The following AFG2A variants were observed in gnomAD, a reference collection of about 807,000 sequenced individuals.
AFG2A encodes the protein AAA ATPase AFG2A, also known as ATPase family gene 2 protein homolog A.
the AFG2A span, among the ~76,000 whole-genome samples, chr4:123,097,509 A>G: frequency 1.3e-5 from 2 of 152,252 alleles, no homozygotes; most frequent in Admixed American, 1.3e-4. Flanking sequence ...GGTGAGCCAT[A>G]TTAAGATTAA....
the AFG2A span, among the ~76,000 whole-genome samples, chr4:123,169,467 TTCTG>T: frequency 6.6e-6 from 1 of 152,126 alleles, no homozygotes; most frequent in Non-Finnish European, 1.5e-5. Context: ...ATGCGCATTG[TTCTG>T]TCTGATTATT....
At chr4:123,032,902 T>C in the AFG2A span, among the ~76,000 whole-genome samples, 1 of 152,202 alleles carries the variant, frequency 6.6e-6, no homozygotes, top group Non-Finnish European at 1.5e-5. Context: ...ATTCTGAGCA[T>C]GTTTAAGGTG....
chr4:122,951,433 T>TACACACACACACACACACAC, the AFG2A span, among the ~76,000 whole-genome samples: 10 of 148,508 alleles, frequency 6.7e-5, no homozygotes, highest in African/African-American at 2.5e-4. Context: ...TTTTCCAAAG[T>TACACACACACACACACACAC]ACACACACAC....
chr4:123,007,598 GTGTGTGTGTGTATATA>G, the AFG2A span, among the ~76,000 whole-genome samples: 1 of 8,638 alleles, frequency 1.2e-4, no homozygotes, highest in African/African-American at 4.6e-4. Flanking sequence ...GTGTGTGTGT[GTGTGTGTGTGTATATA>G]TATATATATA....
the AFG2A span, chr4:122,933,974 T>C: frequency 1.7e-6 from 2 of 1,149,798 alleles, no homozygotes; most frequent in Non-Finnish European, 1.2e-6. Flanking sequence ...ATGACAATTA[T>C]TTTATTAATA....
At chr4:123,099,457 A>T in the AFG2A span, among the ~76,000 whole-genome samples, 10 of 151,272 alleles carry the variant, frequency 6.6e-5, no homozygotes, top group Admixed American at 1.3e-4. Flanking sequence ...TTTTCCCTAT[A>T]ACTTCTTTCA....
the AFG2A span, among the ~76,000 whole-genome samples, chr4:122,950,413 C>T: frequency 6.6e-6 from 1 of 150,952 alleles, no homozygotes; most frequent in Non-Finnish European, 1.5e-5. Flanking sequence ...GATCTCGGCT[C>T]ACTGCAACCT....
At chr4:122,957,183 T>A in the AFG2A span, among the ~76,000 whole-genome samples, 1 of 152,214 alleles carries the variant, frequency 6.6e-6, no homozygotes, top group Non-Finnish European at 1.5e-5. Flanking sequence ...GAAAAAGCCC[T>A]AAGCCTCTTC....
the AFG2A span, among the ~76,000 whole-genome samples, chr4:122,965,626 TTG>T: frequency 6.6e-6 from 1 of 152,208 alleles, no homozygotes; most frequent in African/African-American, 2.4e-5. Context: ...TATTTCAAAA[TTG>T]TGTTTCTTAA....
At chr4:122,962,661 G>A in the AFG2A span, among the ~76,000 whole-genome samples, 2 of 152,238 alleles carry the variant, frequency 1.3e-5, no homozygotes, top group African/African-American at 4.8e-5. Context: ...TTGAGGAAAG[G>A]TTTTCTTTCT....
chr4:122,976,215 T>C, the AFG2A span, among the ~76,000 whole-genome samples: 1 of 152,192 alleles, frequency 6.6e-6, no homozygotes, highest in Non-Finnish European at 1.5e-5. Flanking sequence ...GAGATTAAAC[T>C]CCTTCAAAGT....
At chr4:123,068,458 G>T in the AFG2A span, among the ~76,000 whole-genome samples, 1 of 152,116 alleles carries the variant, frequency 6.6e-6, no homozygotes, top group Non-Finnish European at 1.5e-5. Context: ...GAGTTTCACT[G>T]CCTTTTATTT....
At chr4:123,287,526 A>T in the AFG2A span, among the ~76,000 whole-genome samples, 2 of 152,254 alleles carry the variant, frequency 1.3e-5, no homozygotes, top group Non-Finnish European at 2.9e-5. Flanking sequence ...CCAACTTGTT[A>T]AGACTAAAGT....
chr4:123,031,611 A>T, the AFG2A span, among the ~76,000 whole-genome samples: 1 of 152,236 alleles, frequency 6.6e-6, no homozygotes, highest in South Asian at 2.1e-4. Context: ...TTTGAAAGTG[A>T]TCAGAAAAAG....
chr4:123,063,513 G>A, the AFG2A span, among the ~76,000 whole-genome samples: 20 of 152,150 alleles, frequency 1.3e-4, no homozygotes, highest in African/African-American at 4.1e-4. Context: ...TTGGGAGGCC[G>A]AAGTGGGCGG....
At chr4:122,979,385 A>T in the AFG2A span, 32 of 1,613,676 alleles carry the variant, frequency 2.0e-5, no homozygotes, top group Non-Finnish European at 2.5e-5. Context: ...GATGTCCCAA[A>T]TGTAAGTCAT....
the AFG2A span, among the ~76,000 whole-genome samples, chr4:123,217,653 T>C: frequency 1.7e-3 from 266 of 152,296 alleles, 1 homozygote; most frequent in African/African-American, 6.1e-3. Context: ...CCATACCAGA[T>C]CCTTTCCTTT....
the AFG2A span, among the ~76,000 whole-genome samples, chr4:123,156,832 A>G: frequency 4.1e-3 from 622 of 150,656 alleles, 11 homozygotes; most frequent in Non-Finnish European, 3.0e-3. Flanking sequence ...TTTTTTTTGG[A>G]TAAAGTGTAG....
chr4:123,060,129 T>A, the AFG2A span, among the ~76,000 whole-genome samples: 1 of 152,220 alleles, frequency 6.6e-6, no homozygotes, highest in Non-Finnish European at 1.5e-5. Context: ...GCTCTGCCTC[T>A]GTAGCTTGGC....
Sources: allele counts gnomAD v4.1 joint callset (sites outside exome capture counted in the v4.1 genomes callset), GRCh38; gene constraint gnomAD v4.1.1; transcripts MANE v1.5; gene names NCBI Gene and HGNC (gene_info 2026-07-23, HGNC 2026-07-21).